The following KCNQ3 variants were observed in gnomAD, a reference collection of about 807,000 sequenced individuals.
KCNQ3 encodes potassium voltage-gated channel subfamily Q member 3.
A neutral mutation model predicts 92.5 loss-of-function variants in KCNQ3; 30 were observed. The observed-to-expected ratio is 0.32, with a 90% CI of 0.24 to 0.44. The LOEUF (loss-of-function observed/expected upper bound fraction) is 0.44. Ranked by LOEUF, KCNQ3 falls within the 20% of genes least tolerant of loss-of-function variation. The pLI is 1.00. For synonymous variants in KCNQ3, 450 were observed against 468.8 expected (o/e 0.96, Z 0.52); for missense variants, 913 against 1,140.3 (o/e 0.80, Z 2.87).
chr8:132,266,298 G>C lies in KCNQ3; in HGVS notation c.387-80117C>G, dbSNP rs182590962. On this transcript the variant is annotated intron_variant, in intron 1 of 14. Coordinates refer to ENST00000388996, the MANE Select transcript of KCNQ3 (RefSeq NM_004519.4). ...ATGATGGAAGACTAATAGTCTCTCG[G>C]CCACCTCAGGGGATTGAGGGAGATG... is the stretch of plus-strand genomic sequence containing the variant. Among the ~76,000 whole-genome samples, 937 of 152,242 alleles carry C rather than the reference G, an allele frequency of 6.2e-3. 9 individuals carry two copies. The highest frequency in any genetic ancestry group is 0.022 in the African/African-American group (907 of 41,554).
At chr8:132,345,442 G>A (rs1818659222) in intron 1 of KCNQ3, among the ~76,000 whole-genome samples, 3 of 152,204 alleles carry the variant, frequency 2.0e-5, no homozygotes, top group African/African-American at 7.2e-5. Context: ...GAGGCACTGG[G>A]GATGCAGTGA....
intron 1 of KCNQ3, among the ~76,000 whole-genome samples, chr8:132,208,507 G>C (rs562422885): frequency 5.9e-4 from 90 of 152,182 alleles, no homozygotes; most frequent in African/African-American, 2.2e-3. Context: ...CCAACTCCTA[G>C]GACCAGCATC....
At chr8:132,393,220 C>T (rs1176251880) in intron 1 of KCNQ3, among the ~76,000 whole-genome samples, 1 of 152,200 alleles carries the variant, frequency 6.6e-6, no homozygotes, top group Non-Finnish European at 1.5e-5. Flanking sequence ...CCCTGCATCA[C>T]TTTATTTTCT....
intron 1 of KCNQ3, among the ~76,000 whole-genome samples, chr8:132,286,729 T>C (rs905777139): frequency 6.6e-6 from 1 of 152,204 alleles, no homozygotes; most frequent in Admixed American, 6.5e-5. Flanking sequence ...TCAAAACTTA[T>C]GTTGAAATTT....
At chr8:132,254,140 C>T (rs543530535) in intron 1 of KCNQ3, among the ~76,000 whole-genome samples, 98 of 152,264 alleles carry the variant, frequency 6.4e-4, no homozygotes, top group African/African-American at 2.3e-3. Flanking sequence ...CGACTGATTT[C>T]GAATCTGCAT....
chr8:132,304,634 G>C (rs1300544099), intron 1 of KCNQ3, among the ~76,000 whole-genome samples: 1 of 152,140 alleles, frequency 6.6e-6, no homozygotes, highest in Non-Finnish European at 1.5e-5. Flanking sequence ...CAAATGTTCA[G>C]TGGCCACATG....
At chr8:132,231,417 A>G (rs1452118191) in intron 1 of KCNQ3, among the ~76,000 whole-genome samples, 1 of 152,206 alleles carries the variant, frequency 6.6e-6, no homozygotes, top group Non-Finnish European at 1.5e-5. Flanking sequence ...AAATTTATAT[A>G]TTGAAGCCTG....
chr8:132,138,973 C>A (rs1408712580), intron 11 of KCNQ3, among the ~76,000 whole-genome samples: 1 of 152,214 alleles, frequency 6.6e-6, no homozygotes, highest in Non-Finnish European at 1.5e-5. Flanking sequence ...CACAGGCCAA[C>A]TCTGGCTCAC....
chr8:132,210,802 A>G (rs1042251969), intron 1 of KCNQ3, among the ~76,000 whole-genome samples: 1 of 152,252 alleles, frequency 6.6e-6, no homozygotes, highest in African/African-American at 2.4e-5. Context: ...ATGTTATATC[A>G]AGAGAGAAGA....
chr8:132,333,156 T>C (rs1184446444), intron 1 of KCNQ3, among the ~76,000 whole-genome samples: 1 of 152,144 alleles, frequency 6.6e-6, no homozygotes, highest in East Asian at 1.9e-4. Context: ...GTGCACTTTG[T>C]AAGGAAGCTT....
chr8:132,364,043 C>G (rs781429192), intron 1 of KCNQ3, among the ~76,000 whole-genome samples: 4 of 151,996 alleles, frequency 2.6e-5, no homozygotes, highest in Non-Finnish European at 5.9e-5. Context: ...ATTTGTGACC[C>G]TGATATTTGC....
intron 1 of KCNQ3, among the ~76,000 whole-genome samples, chr8:132,351,949 C>T (rs564403055): frequency 2.6e-5 from 4 of 152,238 alleles, no homozygotes; most frequent in Non-Finnish European, 4.4e-5. Flanking sequence ...TTACCCCCAC[C>T]GCACCCCTCT....
intron 1 of KCNQ3, among the ~76,000 whole-genome samples, chr8:132,386,282 T>C (rs922971716): frequency 5.3e-5 from 8 of 152,042 alleles, no homozygotes; most frequent in East Asian, 1.9e-4. Context: ...CAATGGAATA[T>C]TTTTTACTCT....
At chr8:132,294,237 G>A (rs1431716667) in intron 1 of KCNQ3, among the ~76,000 whole-genome samples, 8 of 152,012 alleles carry the variant, frequency 5.3e-5, no homozygotes, top group South Asian at 2.1e-4. Flanking sequence ...TCCTGACCTC[G>A]TGATCCACCG....
intron 8 of KCNQ3, among the ~76,000 whole-genome samples, chr8:132,165,614 C>G (rs1249762428): frequency 6.6e-6 from 1 of 152,210 alleles, no homozygotes; most frequent in East Asian, 1.9e-4. Flanking sequence ...ACCATCCAAA[C>G]AACAATCTTC....
At chr8:132,166,476 A>T (rs1234169425) in intron 8 of KCNQ3, among the ~76,000 whole-genome samples, 1 of 152,100 alleles carries the variant, frequency 6.6e-6, no homozygotes, top group Admixed American at 6.6e-5. Flanking sequence ...AACTTGTACT[A>T]AGTCCATTCA....
chr8:132,155,902 C>G (rs1448457879), intron 9 of KCNQ3, among the ~76,000 whole-genome samples: 3 of 152,076 alleles, frequency 2.0e-5, no homozygotes, highest in Non-Finnish European at 4.4e-5. Flanking sequence ...GGAACAGCAT[C>G]ATTATTTTGA....
At chr8:132,214,465 A>G (rs2130311572) in intron 1 of KCNQ3, among the ~76,000 whole-genome samples, 1 of 152,346 alleles carries the variant, frequency 6.6e-6, no homozygotes, top group Non-Finnish European at 1.5e-5. Context: ...GTCGTATAAT[A>G]GAAAAAAGGT....
intron 1 of KCNQ3, among the ~76,000 whole-genome samples, chr8:132,293,322 C>A (rs184432433): frequency 2.0e-5 from 3 of 152,202 alleles, no homozygotes; most frequent in Admixed American, 6.5e-5. Flanking sequence ...TAGTGTCTGA[C>A]GGGAGGCAGT....
Sources: allele counts gnomAD v4.1 joint callset (sites outside exome capture counted in the v4.1 genomes callset), GRCh38; gene constraint gnomAD v4.1.1; transcripts MANE v1.5; gene names NCBI Gene and HGNC (gene_info 2026-07-23, HGNC 2026-07-21).